PDE7B: variants seen among roughly 807,000 people sequenced by gnomAD.
PDE7B encodes phosphodiesterase 7B, also known as 3',5'-cyclic-AMP phosphodiesterase 7B.
In PDE7B, 29 loss-of-function variants were observed where a neutral mutation model predicts 56.2. That is an observed-to-expected ratio of 0.52 (90% CI 0.38 to 0.70). PDE7B has a LOEUF of 0.70. PDE7B is among the 30% of genes least tolerant of loss of function. PDE7B has a pLI of 0.00. For missense variants in PDE7B, 490 were observed against 565.0 expected (o/e 0.87, Z 1.35); for synonymous variants, 197 against 196.9 (o/e 1.00, Z 0.00).
chr6:136,050,117 C>A (rs1208790371), intron 2 of PDE7B, among the ~76,000 whole-genome samples: 1 of 152,166 alleles, frequency 6.6e-6, no homozygotes, highest in Non-Finnish European at 1.5e-5. Context: ...TCAACTCCAG[C>A]CGAGGCTTCT....
chr6:136,122,060 A>G (rs945672646), intron 3 of PDE7B, among the ~76,000 whole-genome samples: 13 of 151,418 alleles, frequency 8.6e-5, no homozygotes, highest in African/African-American at 2.9e-4. Context: ...CAGTGGTGTG[A>G]TCTTGGCTCA....
intron 2 of PDE7B, among the ~76,000 whole-genome samples, chr6:135,990,102 T>G (rs1445144327): frequency 3.3e-5 from 5 of 150,662 alleles, no homozygotes; most frequent in South Asian, 2.1e-4. Flanking sequence ...TTTTTTGTTT[T>G]TTTTTTTTTT....
At chr6:135,852,343 T>C (rs1392426625) in intron 1 of PDE7B, among the ~76,000 whole-genome samples, 1 of 152,120 alleles carries the variant, frequency 6.6e-6, no homozygotes, top group African/African-American at 2.4e-5. Flanking sequence ...ATTTTTTTTC[T>C]CCAACATAAA....
intron 3 of PDE7B, among the ~76,000 whole-genome samples, chr6:136,109,511 G>A (rs1039482353): frequency 6.6e-6 from 1 of 152,148 alleles, no homozygotes; most frequent in Non-Finnish European, 1.5e-5. Flanking sequence ...TAACCTACCT[G>A]TTATGGAATT....
chr6:135,870,016 G>A (rs1775345082), intron 1 of PDE7B, among the ~76,000 whole-genome samples: 2 of 152,152 alleles, frequency 1.3e-5, no homozygotes, highest in Admixed American at 1.3e-4. Flanking sequence ...CATGTAGACA[G>A]GGAGGAGAGA....
At position 136,154,155 on chromosome 6, in the gene PDE7B, T is replaced by G. The variant is rs747883371; in HGVS notation, c.559T>G (p.Cys187Gly). 2 of 1,612,878 alleles carry G rather than the reference T, an allele frequency of 1.2e-6. No individual in the cohort carries two copies. Among genetic ancestry groups the G allele is most frequent in the Non-Finnish European group, 1.7e-6 (2 of 1,178,988 alleles). ...AGCCGACGTCACCCAGGCCATGCAC[T>G]GCTACCTGAAAGAGCCAAAGGTAAG... Reference protein sequence around the residue: ...HAADVTQAMHCYLKEPKLASF... With the variant: ...HAADVTQAMHGYLKEPKLASF... Residue 187 changes from cysteine to glycine, a missense_variant, in exon 7 of 13, where the codon TGC becomes GGC. Cys to Gly is a radical substitution (Grantham distance 159, BLOSUM62 -3). Coordinates refer to ENST00000308191, the MANE Select transcript of PDE7B (RefSeq NM_018945.4).
intron 2 of PDE7B, among the ~76,000 whole-genome samples, chr6:136,015,906 T>C (rs781572238): frequency 3.9e-5 from 6 of 152,196 alleles, no homozygotes; most frequent in Non-Finnish European, 7.4e-5. Flanking sequence ...CATGCAAGGA[T>C]CTACGAGAAC....
At position 136,097,822 on chromosome 6, in the gene PDE7B, TTTG is replaced by T. The variant is rs370917438; in HGVS notation, c.83-10906_83-10904del. Among the ~76,000 whole-genome samples the T allele has an allele frequency of 6.6e-4, 100 of 152,182 alleles. 1 individual carries two copies. Among genetic ancestry groups the T allele is most frequent in the African/African-American group, 2.1e-3 (89 of 41,530 alleles). On this transcript the variant is annotated intron_variant, in intron 2 of 12. Transcript: ENST00000308191. ...TTCTCCTTGCTATGTCACACTTGGCTTTGTTATGATCTCTCCGATAAGCCATCC... is the reference window on the plus strand; with the variant it reads ...TTCTCCTTGCTATGTCACACTTGGCTTTATGATCTCTCCGATAAGCCATCC...
chr6:135,934,822 T>TTTAAATATATATATTTATTATATATATA (rs1774371407), intron 1 of PDE7B, among the ~76,000 whole-genome samples: 2 of 108,474 alleles, frequency 1.8e-5, no homozygotes, highest in African/African-American at 3.8e-5. Context: ...ATATATATAT[T>TTTAAATATATATATTTATTATATATATA]TAATAAATAA....
chr6:135,894,845 C>T (rs1297680864), intron 1 of PDE7B, among the ~76,000 whole-genome samples: 1 of 152,098 alleles, frequency 6.6e-6, no homozygotes, highest in African/African-American at 2.4e-5. Context: ...ATCATAATTT[C>T]TACTCCGTGA....
At chr6:136,133,356 T>G (rs1315384178) in intron 3 of PDE7B, among the ~76,000 whole-genome samples, 1 of 151,950 alleles carries the variant, frequency 6.6e-6, no homozygotes, top group Non-Finnish European at 1.5e-5. Context: ...TGAGTAAAGT[T>G]AGTACTAATC....
chr6:135,906,252 A>G (rs1008467972), intron 1 of PDE7B, among the ~76,000 whole-genome samples: 1 of 152,210 alleles, frequency 6.6e-6, no homozygotes, highest in Non-Finnish European at 1.5e-5. Context: ...TAAATGGTTA[A>G]CGAGAAAGCC....
At chr6:135,862,425 G>C (rs567420616) in intron 1 of PDE7B, among the ~76,000 whole-genome samples, 1 of 151,834 alleles carries the variant, frequency 6.6e-6, no homozygotes, top group South Asian at 2.1e-4. Context: ...CTCTGTTTCT[G>C]AATTGCTAAT....
chr6:135,855,983 T>C (rs781356983), intron 1 of PDE7B, among the ~76,000 whole-genome samples: 1 of 152,216 alleles, frequency 6.6e-6, no homozygotes, highest in Non-Finnish European at 1.5e-5. Context: ...GATGCCCTTT[T>C]TCTTTCCAAA....
intron 4 of PDE7B, among the ~76,000 whole-genome samples, chr6:136,147,751 T>C (rs1020310705): frequency 2.6e-5 from 4 of 152,230 alleles, no homozygotes; most frequent in Non-Finnish European, 5.9e-5. Context: ...TACTAGCCAT[T>C]TTCATTTTTA....
At chr6:136,010,118 A>G (rs1775865932) in intron 2 of PDE7B, among the ~76,000 whole-genome samples, 1 of 152,148 alleles carries the variant, frequency 6.6e-6, no homozygotes, top group South Asian at 2.1e-4. Context: ...TTGCCATGTC[A>G]TATCTTTGTT....
At chr6:136,061,795 G>A (rs1370608240) in intron 2 of PDE7B, among the ~76,000 whole-genome samples, 3 of 152,214 alleles carry the variant, frequency 2.0e-5, no homozygotes, top group Non-Finnish European at 4.4e-5. Flanking sequence ...AGTGCAAGTG[G>A]AGATTGAGAA....
In PDE7B at chr6:135,916,392, C is replaced by CTTTTTTTT. The variant is rs566408380; in HGVS notation, c.22-31061_22-31054dup. Reference sequence around the variant, plus strand: ...TTTTTTCTTTTCTTTTCTTTTCTTTCTTTTTTTTTTTTTTTTTTGAGATGG... The same window carrying CTTTTTTTT: ...TTTTTTCTTTTCTTTTCTTTTCTTTCTTTTTTTTTTTTTTTTTTTTTTTTTTGAGATGG... On this transcript the variant is annotated intron_variant, in intron 1 of 12. Transcript: ENST00000308191. Among the ~76,000 whole-genome samples, 532 of 96,264 alleles carry CTTTTTTTT rather than the reference C, an allele frequency of 5.5e-3. 7 individuals are homozygous for CTTTTTTTT. Among genetic ancestry groups the CTTTTTTTT allele is most frequent in the East Asian group, 8.8e-3 (23 of 2,616 alleles). The allele number at this position is 96,264 out of a possible 152,430, so 63.2% of individuals were successfully genotyped here. A position where few individuals can be genotyped will look rare whatever the true frequency, so the allele number is the denominator to read the frequency against.
At chr6:135,894,610 C>T (rs890372638) in intron 1 of PDE7B, among the ~76,000 whole-genome samples, 5 of 152,174 alleles carry the variant, frequency 3.3e-5, no homozygotes, top group African/African-American at 4.8e-5. Context: ...CTCCCACATT[C>T]TCTCCATCCA....
Sources: allele counts gnomAD v4.1 joint callset (sites outside exome capture counted in the v4.1 genomes callset), GRCh38; gene constraint gnomAD v4.1.1; transcripts MANE v1.5; gene names NCBI Gene and HGNC (gene_info 2026-07-23, HGNC 2026-07-21).